NOX4: variants seen among roughly 807,000 people sequenced by gnomAD.
NOX4 encodes NADPH oxidase 4, also known as kidney oxidase-1.
In NOX4, 69 loss-of-function variants were observed where a neutral mutation model predicts 87.6. That is an observed-to-expected ratio of 0.79 (90% confidence interval 0.65 to 0.96). The LOEUF is 0.96. NOX4 is among the 40% of genes least tolerant of loss of function. The pLI, the probability that NOX4 is intolerant of heterozygous loss-of-function variation, is 0.00. For missense variants in NOX4, 680 were observed against 681.5 expected, an observed-to-expected ratio of 1.00 and a Z score of 0.02; for synonymous variants, 275 against 238.2, an observed-to-expected ratio of 1.15 and a Z score of -1.42.
chr11:89,425,413 A>G (rs1469791762), intron 7 of NOX4, among the ~76,000 whole-genome samples: 2 of 151,098 alleles, frequency 1.3e-5, no homozygotes, highest in Non-Finnish European at 3.0e-5. Context: ...AAATACCAAA[A>G]AAAAAAAAAA....
the NOX4 span, among the ~76,000 whole-genome samples, chr11:89,555,627 T>C: frequency 4.6e-5 from 7 of 151,994 alleles, no homozygotes; most frequent in African/African-American, 1.5e-4. Flanking sequence ...AGGTCTTCAG[T>C]GGGAATTTGG....
chr11:89,496,123 G>A (rs556789176), upstream of NOX4, among the ~76,000 whole-genome samples: 8 of 152,198 alleles, frequency 5.3e-5, no homozygotes, highest in Non-Finnish European at 1.0e-4. Flanking sequence ...ACATTCCCAA[G>A]TCGGGGGACA....
the NOX4 span, among the ~76,000 whole-genome samples, chr11:89,570,452 A>G: frequency 2.5e-4 from 38 of 152,320 alleles, 1 homozygote; most frequent in South Asian, 7.9e-3. Flanking sequence ...TGCAACATGC[A>G]ATTTACCCAT....
At chr11:89,479,067 C>G (rs780729190) in intron 2 of NOX4, among the ~76,000 whole-genome samples, 2 of 151,782 alleles carry the variant, frequency 1.3e-5, no homozygotes, top group Non-Finnish European at 2.9e-5. Flanking sequence ...AAAGTAATCT[C>G]ATCACCTTAT....
In NOX4 at chr11:89,421,943, G is replaced by A; in HGVS notation, c.588C>T (p.Leu196=). ...NYDIFWYTHN[L]FFVFYMLLTL... is the part of the protein sequence containing the mutation. ...TCAGCAGCATGTAGAAGACAAAGAA[G>A]AGGTTATGAGTATACCAGAAGATAT... The change falls in exon 8 of 18, where the codon CTC becomes CTT. Residue 196 remains leucine (L), a synonymous_variant. Coordinates refer to ENST00000263317, the MANE Select transcript of NOX4 (RefSeq NM_016931.5). 1 of 1,569,828 alleles carries A rather than the reference G, an allele frequency of 6.4e-7. No homozygotes were observed. Among genetic ancestry groups the A allele is most frequent in the East Asian group, 2.4e-5 (1 of 41,356 alleles).
the NOX4 span, among the ~76,000 whole-genome samples, chr11:89,573,257 G>T: frequency 6.6e-6 from 1 of 152,074 alleles, no homozygotes; most frequent in Non-Finnish European, 1.5e-5. Flanking sequence ...GATGCTTTTG[G>T]CTGGGCATGG....
intron 8 of NOX4, among the ~76,000 whole-genome samples, chr11:89,407,247 C>A (rs1348908316): frequency 6.6e-6 from 1 of 151,888 alleles, no homozygotes; most frequent in Non-Finnish European, 1.5e-5. Context: ...TTGTAGCTTT[C>A]ATAAACAAAT....
At chr11:89,351,273 T>C (rs1946446197) in intron 13 of NOX4, among the ~76,000 whole-genome samples, 1 of 152,106 alleles carries the variant, frequency 6.6e-6, no homozygotes, top group Non-Finnish European at 1.5e-5. Context: ...CTGACAGAGA[T>C]GTGGAAGCTG....
Position 89,366,034 on chromosome 11 carries a change from T to A in NOX4, c.1135+7398A>T, listed in dbSNP as rs904376464. On this transcript the variant is annotated intron_variant, in intron 12 of 17. Coordinates refer to ENST00000263317, the MANE Select transcript of NOX4 (RefSeq NM_016931.5). ...AAAATGTTCCTGATAATAATGATAATGGCACAAAACCCTTGTCCTTTTGCT... is the reference window on the plus strand; with the variant it reads ...AAAATGTTCCTGATAATAATGATAAAGGCACAAAACCCTTGTCCTTTTGCT... Among the ~76,000 whole-genome samples the A allele has an allele frequency of 6.9e-4, 105 of 152,218 alleles. 1 individual carries two copies. Among genetic ancestry groups the A allele is most frequent in the African/African-American group, 2.4e-3 (99 of 41,564 alleles).
chr11:89,508,545 T>TCATGTGA, the NOX4 span, among the ~76,000 whole-genome samples: 1 of 152,066 alleles, frequency 6.6e-6, no homozygotes, highest in Non-Finnish European at 1.5e-5. Context: ...TAGAACATAA[T>TCATGTGA]CATGTGACAA....
At chr11:89,578,316 C>A in the NOX4 span, among the ~76,000 whole-genome samples, 4 of 152,002 alleles carry the variant, frequency 2.6e-5, no homozygotes, top group Non-Finnish European at 5.9e-5. Context: ...TGCATGCCAC[C>A]ACGCCCAGCT....
At chr11:89,391,214 T>G (rs1941098785) in intron 11 of NOX4, among the ~76,000 whole-genome samples, 1 of 152,116 alleles carries the variant, frequency 6.6e-6, no homozygotes, top group South Asian at 2.1e-4. Flanking sequence ...ATGACTGGTG[T>G]TGAAGAGTGT....
chr11:89,422,482 T>C (rs1246422232), intron 7 of NOX4, among the ~76,000 whole-genome samples: 2 of 152,206 alleles, frequency 1.3e-5, no homozygotes, highest in Non-Finnish European at 2.9e-5. Flanking sequence ...TACCTCAATG[T>C]TATTGCTCTG....
the NOX4 span, among the ~76,000 whole-genome samples, chr11:89,568,140 G>A: frequency 1.3e-5 from 2 of 152,110 alleles, no homozygotes; most frequent in Admixed American, 6.6e-5. Context: ...GCTCAGCTGA[G>A]CCTGGCCCCC....
At chr11:89,460,950 C>T (rs1257615518) in intron 2 of NOX4, among the ~76,000 whole-genome samples, 1 of 152,162 alleles carries the variant, frequency 6.6e-6, no homozygotes, top group Non-Finnish European at 1.5e-5. Flanking sequence ...AAATGTGGCA[C>T]ATATACACCA....
the NOX4 span, among the ~76,000 whole-genome samples, chr11:89,520,113 C>A: frequency 6.6e-6 from 1 of 151,752 alleles, no homozygotes; most frequent in Non-Finnish European, 1.5e-5. Context: ...CCCATTAGAA[C>A]TGAAAAGGGT....
chr11:89,407,106 T>C (rs1313640677), intron 8 of NOX4, among the ~76,000 whole-genome samples: 1 of 152,128 alleles, frequency 6.6e-6, no homozygotes, highest in Non-Finnish European at 1.5e-5. Context: ...CCTCTAATAC[T>C]TTTCTTGCAC....
At chr11:89,550,759 GAT>G in the NOX4 span, among the ~76,000 whole-genome samples, 1 of 152,108 alleles carries the variant, frequency 6.6e-6, no homozygotes, top group Admixed American at 6.5e-5. Context: ...TCACTCTGAT[GAT>G]AGTTTCTTTT....
chr11:89,345,043 G>A (rs1189975173), intron 13 of NOX4, among the ~76,000 whole-genome samples: 1 of 152,166 alleles, frequency 6.6e-6, no homozygotes. Context: ...AGTCTCAGGA[G>A]ATAATCATAT....
Sources: allele counts gnomAD v4.1 joint callset (sites outside exome capture counted in the v4.1 genomes callset), GRCh38; gene constraint gnomAD v4.1.1; transcripts MANE v1.5; gene names NCBI Gene and HGNC (gene_info 2026-07-23, HGNC 2026-07-21).